The following DUX4 variants were observed in gnomAD, a reference collection of about 807,000 sequenced individuals.
DUX4 encodes double homeobox protein 4.
At chr4:190,183,228 AT>A (rs1742623917) in intron 1 of DUX4, 1 of 103,214 alleles carries the variant, frequency 9.7e-6, no homozygotes, top group African/African-American at 2.7e-5. Context: ...CTATTACTTA[AT>A]ATATAGGCTA....
downstream of DUX4, among the ~76,000 whole-genome samples, chr4:190,176,394 G>T (rs1742306204): frequency 9.0e-6 from 1 of 111,710 alleles, no homozygotes; most frequent in Non-Finnish European, 2.1e-5. Flanking sequence ...ACCTAGACAG[G>T]AGTTACATCA....
At chr4:190,181,259 G>GGGTGATCAGT in intron 1 of DUX4, among the ~76,000 whole-genome samples, 1 of 148,474 alleles carries the variant, frequency 6.7e-6, no homozygotes, top group South Asian at 2.1e-4. Flanking sequence ...TCTGTCACCT[G>GGGTGATCAGT]GGTGATCAGT....
At chr4:190,178,008 TG>T (rs1742398940), downstream of DUX4, among the ~76,000 whole-genome samples, 23 of 146,424 alleles carry the variant, frequency 1.6e-4, no homozygotes, top group Admixed American at 4.1e-4. Flanking sequence ...TATGTCACAA[TG>T]CCCCCTGTAA....
chr4:190,176,644 C>A (rs1471044441), downstream of DUX4, among the ~76,000 whole-genome samples: 1 of 122,726 alleles, frequency 8.1e-6, no homozygotes, highest in African/African-American at 2.6e-5. Flanking sequence ...GTCACAAAGC[C>A]CCTGTAGGCA....
chr4:190,181,247 A>AATCCTTCACCT (rs1742557679), intron 1 of DUX4, among the ~76,000 whole-genome samples: 9 of 66,012 alleles, frequency 1.4e-4, no homozygotes, highest in South Asian at 5.4e-4. Flanking sequence ...CCAAGACAAG[A>AATCCTTCACCT]GTCTGTCACC....
intron 1 of DUX4, chr4:190,182,276 G>A (rs1331516001): frequency 8.1e-6 from 1 of 124,010 alleles, no homozygotes; most frequent in African/African-American, 2.5e-5. Flanking sequence ...GTTAGGGTTA[G>A]GGTTAGGGGT....
chr4:190,182,208 T>TAGGATGAGGGTCAGGGTG (rs1742605804), intron 1 of DUX4: 1 of 110,390 alleles, frequency 9.1e-6, no homozygotes, highest in African/African-American at 2.8e-5. Flanking sequence ...GGGTGAGGGT[T>TAGGATGAGGGTCAGGGTG]AGGGTGAGGG....
chr4:190,177,966 G>T (rs1579833548), downstream of DUX4, among the ~76,000 whole-genome samples: 2 of 76,706 alleles, frequency 2.6e-5, no homozygotes, highest in East Asian at 3.3e-4. Context: ...GCCTAGACAA[G>T]AGTTACATCA....
In DUX4 at chr4:190,184,339, CT is replaced by C. The variant is rs1212886281; in HGVS notation, n.93-991del. On this transcript the variant is annotated intron_variant and non_coding_transcript_variant, in intron 1 of 2. Transcript: ENST00000563716. Reference sequence around the variant, plus strand: ...ATAGGTAGCATTCTAAACAGAGATCCTTTTTTTTTTTGAGATGGAGTCTTGC... The same window carrying C: ...ATAGGTAGCATTCTAAACAGAGATCCTTTTTTTTTTGAGATGGAGTCTTGC... Among the ~76,000 whole-genome samples, 91 of 40,396 alleles carry C rather than the reference CT, an allele frequency of 2.3e-3. 1 individual carries two copies. The highest frequency in any genetic ancestry group is 3.7e-3 in the African/African-American group (67 of 18,202). 26.5% of individuals were successfully genotyped at this position (40,396 alleles called of 152,430 possible). A position where few individuals can be genotyped will look rare whatever the true frequency, so the allele number is the denominator to read the frequency against.
downstream of DUX4, among the ~76,000 whole-genome samples, chr4:190,179,725 G>A (rs1742508699): frequency 2.0e-5 from 3 of 152,300 alleles, no homozygotes; most frequent in Non-Finnish European, 2.9e-5. Context: ...CCCCCTGTGG[G>A]CACAGCCTAG....
chr4:190,176,532 G>A (rs2126564931), downstream of DUX4, among the ~76,000 whole-genome samples: 2 of 103,042 alleles, frequency 1.9e-5, 1 homozygote, highest in East Asian at 7.4e-4. Flanking sequence ...CTAGACAAGT[G>A]TTACATCACC....
intron 1 of DUX4, chr4:190,182,252 GCA>G (rs1742608192): frequency 7.9e-6 from 1 of 125,850 alleles, no homozygotes. Flanking sequence ...GTTAGGGTGA[GCA>G]TTAGGTTTAG....
chr4:190,183,428 CTA>C lies in DUX4; in HGVS notation n.93-1912_93-1911del, dbSNP rs1479820158. On this transcript the variant is annotated intron_variant and non_coding_transcript_variant, in intron 1 of 2. Coordinates refer to the DUX4 transcript ENST00000563716. ...GTTGACCTTGAAACCTTCTTTTGGT[CTA>C]GTTTTATCAACAGAGCTAGTATTTA... The C allele has an allele frequency of 2.0e-5, 2 of 99,512 alleles. 1 individual carries two copies. The highest frequency in any genetic ancestry group is 4.7e-5 in the Non-Finnish European group (2 of 42,412). The allele number at this position is 99,512 out of a possible 1,614,324, so 6.2% of individuals were successfully genotyped here.
At chr4:190,180,026 GTGT>G (rs1742526480), downstream of DUX4, among the ~76,000 whole-genome samples, 43 of 125,166 alleles carry the variant, frequency 3.4e-4, no homozygotes, top group Admixed American at 3.8e-4. Context: ...TACATCACCT[GTGT>G]GATCAGTGCA....
downstream of DUX4, among the ~76,000 whole-genome samples, chr4:190,177,764 C>A (rs1742385007): frequency 2.2e-4 from 33 of 150,592 alleles, no homozygotes; most frequent in East Asian, 9.8e-4. Context: ...AGACAAGAGT[C>A]CCATCACCTG....
chr4:190,177,125 C>G (rs1742342920), downstream of DUX4, among the ~76,000 whole-genome samples: 3,161 of 124,722 alleles, frequency 0.025, no homozygotes, highest in South Asian at 0.039. Context: ...CACAATGTCC[C>G]CTGTAGGCAG....
intron 1 of DUX4, among the ~76,000 whole-genome samples, chr4:190,181,491 A>ATGCTCCCTATAGTCAGAGGCT (rs1742573600): frequency 2.1e-5 from 1 of 48,078 alleles, no homozygotes. Flanking sequence ...ATACGTCACA[A>ATGCTCCCTATAGTCAGAGGCT]GGCCCCCTAT....
chr4:190,177,978 C>T (rs1579833577), downstream of DUX4, among the ~76,000 whole-genome samples: 576 of 138,240 alleles, frequency 4.2e-3, no homozygotes, highest in Admixed American at 8.0e-3. Flanking sequence ...GTTACATCAC[C>T]TGGGTGATCA....
At chr4:190,178,816 G>A (rs1579834758), downstream of DUX4, among the ~76,000 whole-genome samples, 38 of 151,568 alleles carry the variant, frequency 2.5e-4, no homozygotes, top group East Asian at 7.8e-4. Context: ...GATCAGTGGC[G>A]AGATCTCTCA....
Sources: gnomAD v4.1 joint callset for allele counts (sites outside exome capture counted in the v4.1 genomes callset) on GRCh38, gnomAD v4.1.1 for gene constraint, MANE v1.5 for transcripts, NCBI Gene and HGNC (gene_info 2026-07-23, HGNC 2026-07-21) for gene names.